MGAT4C: variants seen among roughly 807,000 people sequenced by gnomAD.
MGAT4C encodes the protein alpha-1,3-mannosyl-glycoprotein 4-beta-N-acetylglucosaminyltransferase C.
MGAT4C carries 19 observed loss-of-function variants against 40.1 expected under a neutral mutation model. The ratio of observed to expected loss-of-function variants is 0.47; its 90% CI spans 0.33 to 0.70. The LOEUF (loss-of-function observed/expected upper bound fraction) is 0.70, where lower values mean the gene tolerates loss of function less well. Among genes scored for constraint, MGAT4C ranks in the 30% least tolerant of loss-of-function variants. The probability of loss-of-function intolerance (pLI) is 0.02; values close to 1 mark genes in which losing one functional copy is unlikely to be tolerated. For missense variants in MGAT4C, 491 were observed against 563.2 expected (o/e 0.87, Z 1.30); for synonymous variants, 181 against 187.1 (o/e 0.97, Z 0.27).
At chr12:86,152,085 C>T (rs1884352871) in intron 1 of MGAT4C, among the ~76,000 whole-genome samples, 1 of 152,226 alleles carries the variant, frequency 6.6e-6, no homozygotes, top group Admixed American at 6.5e-5. Context: ...GCCACTCTCA[C>T]TCTAACACCT....
intron 1 of MGAT4C, among the ~76,000 whole-genome samples, chr12:86,188,617 A>G (rs1473825156): frequency 6.6e-6 from 1 of 152,044 alleles, no homozygotes; most frequent in African/African-American, 2.4e-5. Context: ...ATATAACTCT[A>G]TACAAGTTGT....
intron 4 of MGAT4C, among the ~76,000 whole-genome samples, chr12:86,314,484 T>C (rs775981671): frequency 3.3e-5 from 5 of 152,264 alleles, no homozygotes; most frequent in Admixed American, 6.5e-5. Context: ...GTCATCCAAA[T>C]AGGAAAAGAA....
chr12:86,314,475 T>C (rs1954153233), intron 4 of MGAT4C, among the ~76,000 whole-genome samples: 1 of 152,162 alleles, frequency 6.6e-6, no homozygotes, highest in Non-Finnish European at 1.5e-5. Context: ...AAAGTAAAAG[T>C]CATCCAAATA....
chr12:86,102,882 T>C (rs970905520), intron 1 of MGAT4C, among the ~76,000 whole-genome samples: 1 of 150,758 alleles, frequency 6.6e-6, no homozygotes. Context: ...ATAATTCTTA[T>C]TTTTTTTGCA....
chr12:86,585,225 C>T (rs539974273), intron 2 of MGAT4C, among the ~76,000 whole-genome samples: 37 of 151,446 alleles, frequency 2.4e-4, no homozygotes, highest in Non-Finnish European at 4.4e-4. Flanking sequence ...GTAATAGCTG[C>T]TTTTAGTATT....
intron 3 of MGAT4C, among the ~76,000 whole-genome samples, chr12:86,363,335 T>C (rs887227518): frequency 2.6e-5 from 4 of 152,096 alleles, no homozygotes; most frequent in Non-Finnish European, 4.4e-5. Context: ...ACAAAGTATT[T>C]GGAAATTAAA....
chr12:85,980,503 T>C (rs1592595610), intron 4 of MGAT4C, 73 bp from the exon 5 acceptor site: 2 of 1,360,154 alleles, frequency 1.5e-6, no homozygotes, highest in East Asian at 4.6e-5. Flanking sequence ...AGAAGATATT[T>C]ATTCCTTTGA....
chr12:86,757,470 C>T (rs1336463804), intron 1 of MGAT4C, among the ~76,000 whole-genome samples: 2 of 151,996 alleles, frequency 1.3e-5, no homozygotes, highest in African/African-American at 4.8e-5. Context: ...AAAGACAATA[C>T]TGTAAAGCAG....
chr12:86,453,620 CT>C (rs773558404), intron 2 of MGAT4C, among the ~76,000 whole-genome samples: 1 of 152,080 alleles, frequency 6.6e-6, no homozygotes, highest in Non-Finnish European at 1.5e-5. Flanking sequence ...TGCAGCTCCG[CT>C]ATTTACACTC....
At chr12:86,338,958 CAAAA>C (rs67462771) in intron 3 of MGAT4C, among the ~76,000 whole-genome samples, 2 of 66,118 alleles carry the variant, frequency 3.0e-5, no homozygotes, top group Non-Finnish European at 5.2e-5. Flanking sequence ...GACTCCATCT[CAAAA>C]AAAAAAAAAA....
At chr12:86,325,843 C>T (rs1358908892) in intron 4 of MGAT4C, among the ~76,000 whole-genome samples, 2 of 151,786 alleles carry the variant, frequency 1.3e-5, no homozygotes, top group Non-Finnish European at 2.9e-5. Context: ...TACCACTGCA[C>T]TCTTGCCTGG....
At chr12:86,677,787 T>C (rs1246082388) in intron 2 of MGAT4C, among the ~76,000 whole-genome samples, 1 of 152,118 alleles carries the variant, frequency 6.6e-6, no homozygotes, top group Non-Finnish European at 1.5e-5. Context: ...TGAAATAGGA[T>C]GGTGCAATAC....
At chr12:86,464,330 C>A (rs190781411) in intron 2 of MGAT4C, among the ~76,000 whole-genome samples, 17 of 152,148 alleles carry the variant, frequency 1.1e-4, no homozygotes, top group Admixed American at 1.1e-3. Flanking sequence ...AATCATTTTG[C>A]AGTATTTAAG....
intron 2 of MGAT4C, among the ~76,000 whole-genome samples, chr12:86,519,400 A>G (rs553031828): frequency 1.5e-3 from 223 of 152,164 alleles, no homozygotes; most frequent in Middle Eastern, 6.8e-3. Context: ...TACTGATTTC[A>G]TTTATTTTGG....
At chr12:86,468,204 C>A (rs965170794) in intron 2 of MGAT4C, among the ~76,000 whole-genome samples, 1 of 152,124 alleles carries the variant, frequency 6.6e-6, no homozygotes, top group Non-Finnish European at 1.5e-5. Context: ...ACAAACACAA[C>A]CATCCCCATG....
At chr12:86,607,706 C>A (rs1962093481) in intron 2 of MGAT4C, among the ~76,000 whole-genome samples, 1 of 152,076 alleles carries the variant, frequency 6.6e-6, no homozygotes, top group Non-Finnish European at 1.5e-5. Context: ...CTTTAAAAAT[C>A]CACTTCAGTC....
rs752155828 is a variant in MGAT4C, at chr12:86,037,820, G to C, written c.-7+11854C>G. ...GTATATTATATATGCTTGGTCCAGA[G>C]AGGATTTCAAGCCCTGGATATCCTT... On this transcript the variant is annotated intron_variant, in intron 2 of 4. Coordinates refer to ENST00000611864, the MANE Select transcript of MGAT4C (RefSeq NM_001351288.2). Among the ~76,000 whole-genome samples the C allele has an allele frequency of 6.3e-4, 94 of 149,972 alleles. 10 individuals are homozygous for C. The highest frequency in any genetic ancestry group is 1.2e-3 in the Non-Finnish European group (82 of 66,840).
At chr12:86,810,023 C>A (rs148933537) in intron 1 of MGAT4C, among the ~76,000 whole-genome samples, 1 of 151,932 alleles carries the variant, frequency 6.6e-6, no homozygotes, top group Admixed American at 6.6e-5. Flanking sequence ...TTAATTTAAG[C>A]CTACTTGATT....
At chr12:86,143,381 A>G (rs1054778928) in intron 1 of MGAT4C, among the ~76,000 whole-genome samples, 1 of 152,170 alleles carries the variant, frequency 6.6e-6, no homozygotes, top group Non-Finnish European at 1.5e-5. Context: ...CATTTAATTT[A>G]TTGCTACCCA....
Sources: allele counts gnomAD v4.1 joint callset (sites outside exome capture counted in the v4.1 genomes callset), GRCh38; gene constraint gnomAD v4.1.1; transcripts MANE v1.5; gene names NCBI Gene and HGNC (gene_info 2026-07-23, HGNC 2026-07-21).